NRG3: variants seen among roughly 807,000 people sequenced by gnomAD.
NRG3 encodes the protein neuregulin 3, also known as pro-neuregulin-3, membrane-bound isoform.
Under a neutral mutation model 66.9 loss-of-function variants are expected in NRG3, and 31 were observed. The ratio of observed to expected loss-of-function variants is 0.46; its 90% CI spans 0.35 to 0.63. The LOEUF is 0.63. Ranked by LOEUF, NRG3 falls within the 20% of genes least tolerant of loss-of-function variation. The probability of loss-of-function intolerance (pLI) is 0.00; values close to 1 mark genes in which losing one functional copy is unlikely to be tolerated. For synonymous variants in NRG3, 393 were observed against 359.4 expected (o/e 1.09, Z -1.06); for missense variants, 910 against 878.9 (o/e 1.04, Z -0.45).
intron 4 of NRG3, among the ~76,000 whole-genome samples, chr10:82,947,391 G>A (rs912333565): frequency 2.0e-5 from 3 of 151,950 alleles, no homozygotes; most frequent in Admixed American, 6.6e-5. Context: ...CAGTTTGGGG[G>A]GCTATTAAAA....
At chr10:82,437,294 A>G (rs979790762) in intron 2 of NRG3, among the ~76,000 whole-genome samples, 19 of 151,586 alleles carry the variant, frequency 1.3e-4, no homozygotes, top group African/African-American at 4.4e-4. Flanking sequence ...GTGGTCTTCA[A>G]ACTCTTATAT....
At chr10:82,534,349 C>T (rs540685600) in intron 2 of NRG3, among the ~76,000 whole-genome samples, 21 of 152,032 alleles carry the variant, frequency 1.4e-4, no homozygotes, top group African/African-American at 2.9e-4. Context: ...CTGCAACCTC[C>T]GCGCTCCCGG....
At chr10:82,050,652 G>A (rs748650304) in intron 1 of NRG3, among the ~76,000 whole-genome samples, 4 of 151,826 alleles carry the variant, frequency 2.6e-5, no homozygotes, top group Admixed American at 6.6e-5. Flanking sequence ...TTGCCTCTTT[G>A]CTATGCCTTC....
At chr10:82,325,935 T>A (rs1048020152) in intron 1 of NRG3, among the ~76,000 whole-genome samples, 1 of 152,232 alleles carries the variant, frequency 6.6e-6, no homozygotes, top group Non-Finnish European at 1.5e-5. Context: ...TTGGAATATT[T>A]AAATGAAAAG....
chr10:82,473,129 A>G (rs1841430794), intron 2 of NRG3, among the ~76,000 whole-genome samples: 1 of 152,212 alleles, frequency 6.6e-6, no homozygotes, highest in South Asian at 2.1e-4. Context: ...CTGTGATTGT[A>G]CAGTCATGGT....
At chr10:81,984,698 A>G (rs577873263) in intron 1 of NRG3, among the ~76,000 whole-genome samples, 1 of 152,316 alleles carries the variant, frequency 6.6e-6, no homozygotes, top group East Asian at 1.9e-4. Flanking sequence ...CTATGTTTCA[A>G]AGGCATCTTG....
chr10:82,194,757 A>AT, intron 1 of NRG3, among the ~76,000 whole-genome samples: 1 of 152,230 alleles, frequency 6.6e-6, no homozygotes, highest in Non-Finnish European at 1.5e-5. Context: ...AATAGATATT[A>AT]TTATCCTGTT....
intron 1 of NRG3, among the ~76,000 whole-genome samples, chr10:82,233,196 C>G (rs757975869): frequency 6.6e-6 from 1 of 152,124 alleles, no homozygotes; most frequent in Non-Finnish European, 1.5e-5. Context: ...AACTCCGTCT[C>G]TACTAAAAAT....
At chr10:82,183,810 A>G (rs1295936041) in intron 1 of NRG3, among the ~76,000 whole-genome samples, 4 of 152,040 alleles carry the variant, frequency 2.6e-5, no homozygotes, top group South Asian at 2.1e-4. Flanking sequence ...TCTAACCTCA[A>G]ATGACAAGTT....
chr10:81,903,991 TATA>T (rs1281014394), intron 1 of NRG3, among the ~76,000 whole-genome samples: 20 of 117,262 alleles, frequency 1.7e-4, no homozygotes, highest in African/African-American at 6.9e-4. Flanking sequence ...TATATATATA[TATA>T]TATTTTTTTT....
intron 1 of NRG3, among the ~76,000 whole-genome samples, chr10:81,912,063 A>G (rs1026123002): frequency 1.3e-5 from 2 of 152,142 alleles, no homozygotes; most frequent in Non-Finnish European, 2.9e-5. Flanking sequence ...ACCGTTAGAA[A>G]TCTCAGGGTA....
intron 1 of NRG3, among the ~76,000 whole-genome samples, chr10:82,311,981 A>C (rs374141309): frequency 6.6e-6 from 1 of 152,192 alleles, no homozygotes; most frequent in Non-Finnish European, 1.5e-5. Flanking sequence ...CTCTCTGCCA[A>C]CTCGGGACAA....
chr10:82,857,811 CTT>C (rs1275638253), intron 3 of NRG3, among the ~76,000 whole-genome samples: 9 of 152,242 alleles, frequency 5.9e-5, no homozygotes, highest in South Asian at 4.2e-4. Flanking sequence ...TATTTAGTGA[CTT>C]AGCGTAATTT....
chr10:82,294,167 C>T (rs1382471971), intron 1 of NRG3, among the ~76,000 whole-genome samples: 2 of 152,170 alleles, frequency 1.3e-5, no homozygotes, highest in Non-Finnish European at 2.9e-5. Context: ...ATTTTAGCCT[C>T]AGTCTTCTCT....
At chr10:82,662,393 A>G (rs1249058972) in intron 2 of NRG3, among the ~76,000 whole-genome samples, 4 of 152,146 alleles carry the variant, frequency 2.6e-5, no homozygotes, top group Non-Finnish European at 5.9e-5. Context: ...CTCATGAGCC[A>G]ATTCACAGAT....
intron 1 of NRG3, among the ~76,000 whole-genome samples, chr10:81,961,353 A>G (rs918138405): frequency 7.2e-5 from 11 of 151,948 alleles, no homozygotes; most frequent in African/African-American, 2.7e-4. Flanking sequence ...TAGGCAGCCC[A>G]CTCCCCAGTA....
intron 2 of NRG3, among the ~76,000 whole-genome samples, chr10:82,659,791 A>G (rs1218081197): frequency 6.6e-6 from 1 of 152,174 alleles, no homozygotes; most frequent in Non-Finnish European, 1.5e-5. Context: ...AATGCCATCA[A>G]TGCCTCTCAT....
chr10:82,214,251 C>G (rs1410575476), intron 1 of NRG3, among the ~76,000 whole-genome samples: 2 of 151,950 alleles, frequency 1.3e-5, no homozygotes, highest in Non-Finnish European at 2.9e-5. Flanking sequence ...GAGAAGGGAC[C>G]AAGCCTCCCC....
At chr10:82,234,491 T>A (rs2076657326) in intron 1 of NRG3, among the ~76,000 whole-genome samples, 1 of 152,184 alleles carries the variant, frequency 6.6e-6, no homozygotes, top group Non-Finnish European at 1.5e-5. Context: ...ATAATATGAA[T>A]GGTTTTCTCA....
Sources: gnomAD v4.1 joint callset for allele counts (sites outside exome capture counted in the v4.1 genomes callset) on GRCh38, gnomAD v4.1.1 for gene constraint, MANE v1.5 for transcripts, NCBI Gene and HGNC (gene_info 2026-07-23, HGNC 2026-07-21) for gene names.